NME9: variants seen among roughly 807,000 people sequenced by gnomAD.
NME9 encodes the protein NME/NM23 family member 9, also known as thioredoxin domain-containing protein 6.
A neutral mutation model predicts 44.4 loss-of-function variants in NME9; 48 were observed. That is an observed-to-expected ratio of 1.08 (90% CI 0.86 to 1.37). The LOEUF (loss-of-function observed/expected upper bound fraction) is 1.37. NME9 is among the 40% of genes most tolerant of loss of function. The pLI is 0.00. For synonymous variants in NME9, 139 were observed against 147.1 expected (o/e 0.94, Z 0.40); for missense variants, 325 against 405.2 (o/e 0.80, Z 1.70).
chr3:138,320,291 C>T (rs915779925), intron 2 of NME9, among the ~76,000 whole-genome samples: 42 of 152,284 alleles, frequency 2.8e-4, no homozygotes, highest in African/African-American at 8.4e-4. Context: ...ACCTGCCCCA[C>T]GCGACCATGA....
At chr3:138,314,213 A>G (rs2052906462) in intron 6 of NME9, 119 bp downstream of exon 6, 3 of 571,044 alleles carry the variant, frequency 5.3e-6, no homozygotes, top group Non-Finnish European at 9.3e-6. Flanking sequence ...ATTATGAACC[A>G]TTAAAAAATC....
At position 138,318,256 on chromosome 3, in the gene NME9, AG is replaced by A. The variant is rs1360509659; in HGVS notation, c.196-38del. On this transcript the variant is annotated intron_variant, in intron 3 of 10. Transcript: ENST00000333911. ...CACTATCAGCAGGTACCCTGGATGC[AG>A]GGGGTGCAGGGCCCAATTGATTGGT... 3.0e-6 allele frequency: 4 copies of A among 1,334,814 alleles called. No homozygotes were observed. In the South Asian group the frequency reaches 3.5e-5, roughly 12 times the overall value. 82.7% of individuals were successfully genotyped at this position (1,334,814 alleles called of 1,614,324 possible). A position where few individuals can be genotyped will look rare whatever the true frequency, so the allele number is the denominator to read the frequency against.
At chr3:138,318,056 C>T in intron 4 of NME9, 92 bp downstream of exon 4, 1 of 851,094 alleles carries the variant, frequency 1.2e-6, no homozygotes, top group South Asian at 1.4e-5. Flanking sequence ...CATTAATTCT[C>T]CAAGAGTGAA....
At chr3:138,271,916 C>G (rs1207156921) in intron 8 of NME9, among the ~76,000 whole-genome samples, 1 of 151,950 alleles carries the variant, frequency 6.6e-6, no homozygotes, top group Non-Finnish European at 1.5e-5. Context: ...GTGCCTCAAC[C>G]TCCTGAGTAG....
chr3:138,329,338 C>G lies in NME9; in HGVS notation c.-3G>C. ...ATTTCCTTCTTCCTGCTGCCCATGG[C>G]TCTGCAAAGAAGACGAAGCCCTGTT... On this transcript the variant is annotated 5_prime_UTR_variant, in exon 1 of 11. Coordinates refer to ENST00000333911, the MANE Select transcript of NME9 (RefSeq NM_001349018.2). 6.5e-7 allele frequency: 1 copy of G among 1,536,116 alleles called. No individual in the cohort carries two copies. Among genetic ancestry groups the G allele is most frequent in the South Asian group, 1.2e-5 (1 of 84,044 alleles).
chr3:138,273,873 G>T (rs2049013348), intron 8 of NME9, among the ~76,000 whole-genome samples: 2 of 150,982 alleles, frequency 1.3e-5, no homozygotes, highest in African/African-American at 4.9e-5. Context: ...CTGGAGTGCA[G>T]TGGCACAGTC....
intron 8 of NME9, among the ~76,000 whole-genome samples, chr3:138,278,600 A>G (rs919908621): frequency 1.3e-5 from 2 of 152,230 alleles, no homozygotes; most frequent in African/African-American, 4.8e-5. Context: ...TCTACAAATG[A>G]AATGCCACTT....
At chr3:138,267,878 G>T (rs950717414) in intron 8 of NME9, among the ~76,000 whole-genome samples, 2 of 152,094 alleles carry the variant, frequency 1.3e-5, no homozygotes, top group African/African-American at 4.8e-5. Flanking sequence ...TGTCCCATTT[G>T]TGTTGAATTT....
intron 8 of NME9, among the ~76,000 whole-genome samples, chr3:138,295,340 A>C (rs1330724769): frequency 1.3e-5 from 2 of 152,146 alleles, no homozygotes; most frequent in Non-Finnish European, 2.9e-5. Context: ...CACGGTTCTG[A>C]GGCATGTGAA....
chr3:138,295,721 G>C (rs2051423335), intron 8 of NME9: 1 of 784,948 alleles, frequency 1.3e-6, no homozygotes, highest in Non-Finnish European at 2.1e-6. Context: ...CTTAAGGTAG[G>C]TGCCCACCTG....
At chr3:138,285,670 G>A (rs2050340129) in intron 8 of NME9, among the ~76,000 whole-genome samples, 1 of 152,130 alleles carries the variant, frequency 6.6e-6, no homozygotes, top group African/African-American at 2.4e-5. Context: ...AGTGATATAT[G>A]TTTGTGTGCC....
At position 138,301,142 on chromosome 3, in the gene NME9, A is replaced by AT. The variant is rs542806718; in HGVS notation, c.*497_*498insA. The AT allele has an allele frequency of 1.8e-5, 17 of 960,310 alleles. 1 individual carries two copies. In the East Asian group the frequency reaches 1.7e-3, roughly 97 times the overall value. The allele number at this position is 960,310 out of a possible 1,614,324, so 59.5% of individuals were successfully genotyped here. On this transcript the variant is annotated 3_prime_UTR_variant, in exon 11 of 11. Transcript: ENST00000333911. ...AAAATCCCAAAGACAGAGAAAAAAAACTGCGTTCTACATACTGTTTAATAA... is the reference window on the plus strand; with the variant it reads ...AAAATCCCAAAGACAGAGAAAAAAAATCTGCGTTCTACATACTGTTTAATAA...
At chr3:138,269,790 A>G (rs2048605954) in intron 8 of NME9, among the ~76,000 whole-genome samples, 1 of 150,984 alleles carries the variant, frequency 6.6e-6, no homozygotes, top group Non-Finnish European at 1.5e-5. Context: ...ATAAAAGGAA[A>G]TGACAGAGTG....
intron 8 of NME9, among the ~76,000 whole-genome samples, chr3:138,275,645 C>CCCAGAGAGTCTAACTTCAGG (rs1383138165): frequency 6.6e-6 from 1 of 151,968 alleles, no homozygotes; most frequent in African/African-American, 2.4e-5. Flanking sequence ...GAGAGTTGGA[C>CCCAGAGAGTCTAACTTCAGG]CCAGAGAGTC....
At chr3:138,319,987 A>G (rs1463028186) in intron 2 of NME9, among the ~76,000 whole-genome samples, 1 of 152,210 alleles carries the variant, frequency 6.6e-6, no homozygotes, top group African/African-American at 2.4e-5. Flanking sequence ...ACTTTTATGT[A>G]ATCCTTTGAT....
intron 6 of NME9, among the ~76,000 whole-genome samples, chr3:138,311,828 A>G (rs2052724435): frequency 6.6e-6 from 1 of 152,180 alleles, no homozygotes; most frequent in African/African-American, 2.4e-5. Flanking sequence ...AAAAATCTCG[A>G]ATAAGACAAG....
intron 2 of NME9, among the ~76,000 whole-genome samples, chr3:138,323,424 A>G (rs186941350): frequency 1.3e-5 from 2 of 152,136 alleles, no homozygotes; most frequent in African/African-American, 2.4e-5. Context: ...GAAGAAGAAG[A>G]AAAAGCATGC....
chr3:138,272,526 G>T (rs1183275248), intron 8 of NME9, among the ~76,000 whole-genome samples: 1 of 152,180 alleles, frequency 6.6e-6, no homozygotes, highest in Non-Finnish European at 1.5e-5. Context: ...CAAGAATCAA[G>T]AAAATAGATT....
intron 8 of NME9, among the ~76,000 whole-genome samples, chr3:138,265,500 T>A (rs929874132): frequency 4.6e-5 from 7 of 152,186 alleles, no homozygotes; most frequent in African/African-American, 1.7e-4. Flanking sequence ...ACCAAAAACA[T>A]TTTATCACAG....
Sources: allele counts gnomAD v4.1 joint callset (sites outside exome capture counted in the v4.1 genomes callset), GRCh38; gene constraint gnomAD v4.1.1; transcripts MANE v1.5; gene names NCBI Gene and HGNC (gene_info 2026-07-23, HGNC 2026-07-21).